ELANE: variants seen among roughly 807,000 people sequenced by gnomAD.
The protein encoded by ELANE is neutrophil elastase.
ELANE carries 12 observed loss-of-function variants against 20.6 expected under a neutral mutation model. The ratio of observed to expected loss-of-function variants is 0.58; its 90% CI spans 0.37 to 0.94. ELANE has a LOEUF of 0.94. Among genes scored for constraint, ELANE ranks in the 40% least tolerant of loss-of-function variants. The probability of loss-of-function intolerance (pLI) is 0.01; values close to 1 mark genes in which losing one functional copy is unlikely to be tolerated. For synonymous variants in ELANE, 203 were observed against 177.4 expected (o/e 1.14, Z -1.15); for missense variants, 388 against 395.2 (o/e 0.98, Z 0.15).
At chr19:854,180 A>G (rs911983780) in intron 3 of ELANE, among the ~76,000 whole-genome samples, 1 of 152,202 alleles carries the variant, frequency 6.6e-6, no homozygotes, top group Non-Finnish European at 1.5e-5. Flanking sequence ...CCCGTGGCTC[A>G]GGCCTGTCAT....
At chr19:854,614 C>T (rs2035645886) in intron 3 of ELANE, among the ~76,000 whole-genome samples, 1 of 149,676 alleles carries the variant, frequency 6.7e-6, no homozygotes, top group Non-Finnish European at 1.5e-5. Context: ...GGTGCCACCA[C>T]GTGGGTCCAC....
rs148492780 is a variant in ELANE at position 856,014 on chromosome 19, C to T, written c.654C>T (p.Phe218=). The change falls in exon 5 of 5, where the codon TTC becomes TTT. Residue 218 remains phenylalanine (F), a synonymous_variant. Transcript: ENST00000263621. The part of the protein sequence containing the change: ...CNGLIHGIAS[F]VRGGCASGLY... Reference sequence around the variant, plus strand: ...GGCTAATCCACGGAATTGCCTCCTTCGTCCGGGGAGGCTGCGCCTCAGGGC... The same window carrying T: ...GGCTAATCCACGGAATTGCCTCCTTTGTCCGGGGAGGCTGCGCCTCAGGGC... The T allele has an allele frequency of 5.4e-4, 875 of 1,613,562 alleles. 4 individuals are homozygous for T. In the East Asian group the frequency reaches 0.013, roughly 23 times the overall value.
intron 3 of ELANE, among the ~76,000 whole-genome samples, chr19:853,752 T>A (rs1456881755): frequency 4.2e-5 from 2 of 47,162 alleles, no homozygotes; most frequent in Admixed American, 4.1e-4. Flanking sequence ...GAGGCCCCGA[T>A]CTGCTGTCAA....
In ELANE at chr19:853,420, C is replaced by CG. The variant is rs1773819953; in HGVS notation, c.366+23dup. The CG allele has an allele frequency of 4.0e-6, 6 of 1,505,672 alleles. No individual in the cohort carries two copies. The highest frequency in any genetic ancestry group is 5.4e-6 in the Non-Finnish European group (6 of 1,106,308). The allele number at this position is 1,505,672 out of a possible 1,614,324, so 93.3% of individuals were successfully genotyped here. A position where few individuals can be genotyped will look rare whatever the true frequency, so the allele number is the denominator to read the frequency against. On this transcript the variant is annotated intron_variant, in intron 3 of 4. Coordinates refer to ENST00000263621, the MANE Select transcript of ELANE (RefSeq NM_001972.4). ...ATTCTCCAGGTGCCGCCGGGCGGGGCGGGGGGCGCAGGGGCGGAGGCCAGA... is the reference window on the plus strand; with the variant it reads ...ATTCTCCAGGTGCCGCCGGGCGGGGCGGGGGGGCGCAGGGGCGGAGGCCAGA...
At position 856,038 on chromosome 19, in the gene ELANE, G is replaced by A; in HGVS notation, c.678G>A (p.Gly226=). Residue 226 remains glycine (G), a synonymous_variant, in exon 5 of 5, where the codon GGG becomes GGA. Transcript: ENST00000263621. Reference sequence around the variant, plus strand: ...TCGTCCGGGGAGGCTGCGCCTCAGGGCTCTACCCCGATGCCTTTGCCCCGG... The same window carrying A: ...TCGTCCGGGGAGGCTGCGCCTCAGGACTCTACCCCGATGCCTTTGCCCCGG... ...ASFVRGGCAS[G]LYPDAFAPVA... is the part of the protein sequence containing the mutation. 1 of 1,613,568 alleles carries A rather than the reference G, an allele frequency of 6.2e-7. No individual in the cohort carries two copies. Among genetic ancestry groups the A allele is most frequent in the South Asian group, 1.1e-5 (1 of 91,090 alleles).
rs549887145 is a variant in ELANE, at chr19:853,335, G to A, written c.298G>A (p.Ala100Thr). 10 of 1,611,084 alleles carry A rather than the reference G, an allele frequency of 6.2e-6. No homozygotes were observed. Among genetic ancestry groups the A allele is most frequent in the Non-Finnish European group, 8.5e-6 (10 of 1,179,072 alleles). ...SRREPTRQVF[A>T]VQRIFENGYD... ...GCGGGAGCCCACCCGGCAGGTGTTC[G>A]CCGTGCAGCGCATCTTCGAAAACGG... The change falls in exon 3 of 5, where the codon GCC becomes ACC. Residue 100 changes from alanine to threonine, a missense_variant. Coordinates refer to ENST00000263621, the MANE Select transcript of ELANE (RefSeq NM_001972.4).
chr19:855,647 G>T lies in ELANE; in HGVS notation c.450G>T (p.Gln150His). The T allele has an allele frequency of 6.2e-7, 1 of 1,606,846 alleles. No homozygotes were observed. Residue 150 changes from glutamine to histidine, a missense_variant, in exon 4 of 5, where the codon CAG becomes CAT. Transcript: ENST00000263621. This position sits in a 1 kb window ranked among gnomAD's most constrained non-coding sequence, Gnocchi z 6.2. ...AQGRRLGNGV[Q>H]CLAMGWGLLG... ...GACGCCGCCTGGGCAACGGGGTGCA[G>T]TGCCTGGCCATGGGCTGGGGCCTTC...
chr19:852,394 G>T lies in ELANE; in HGVS notation c.66G>T (p.Gly22=), dbSNP rs748560924. The change falls in exon 1 of 5, where the codon GGG becomes GGT. Residue 22 remains glycine, a splice_region_variant and synonymous_variant. Transcript: ENST00000263621. The part of the protein sequence containing the change: ...LACVLPALLL[G]GTALASEIVG... ...GTGTCCTGCCGGCCTTGCTGCTGGG[G>T]GGTGAGTTTTTGAGTCCAACCTCCC... The T allele has an allele frequency of 1.2e-6, 2 of 1,611,140 alleles. No individual in the cohort carries two copies. Among genetic ancestry groups the T allele is most frequent in the South Asian group, 2.2e-5 (2 of 90,918 alleles).
chr19:855,066 G>T lies in ELANE; in HGVS notation c.367-498G>T, dbSNP rs570217060. Among the ~76,000 whole-genome samples the T allele has an allele frequency of 5.3e-5, 8 of 152,070 alleles. No homozygotes were observed. In the East Asian group the frequency reaches 1.5e-3, roughly 29 times the overall value. ...GACGGGGTTTAACCATGTTAGCCAG[G>T]ATGGTCTTGATCTCCTGACCTTTTG... On this transcript the variant is annotated intron_variant, in intron 3 of 4. Coordinates refer to ENST00000263621, the MANE Select transcript of ELANE (RefSeq NM_001972.4). This position sits in a 1 kb window ranked among gnomAD's most constrained non-coding sequence, Gnocchi z 6.2.
rs147820254 is a variant in ELANE, at chr19:855,860, G to A, written c.597+66G>A. On this transcript the variant is annotated intron_variant, in intron 4 of 4. Transcript: ENST00000263621. This position sits in a 1 kb window ranked among gnomAD's most constrained non-coding sequence, Gnocchi z 6.2. ...AGCCCGGACTGCAGCAACAGGCACC[G>A]TGGCTAGACCCTAGGAGGGACTTCC... is the stretch of plus-strand genomic sequence containing the variant. 10,960 of 1,604,224 alleles carry A rather than the reference G, an allele frequency of 6.8e-3. 51 individuals carry two copies. Among genetic ancestry groups the A allele is most frequent in the Non-Finnish European group, 8.4e-3 (9,905 of 1,177,674 alleles).
chr19:853,550 T>A (rs2145145641), intron 3 of ELANE, 147 bp downstream of exon 3: 1 of 951,028 alleles, frequency 1.1e-6, no homozygotes, highest in Non-Finnish European at 1.6e-6. Context: ...CGCCTCGGTC[T>A]GCACCTCTGT....
rs765630172 is a variant in ELANE at position 855,927 on chromosome 19, T to G, written c.598-31T>G. The stretch of plus-strand genomic sequence containing the variant: ...CGGGCAGGTGGGCAGGGCCTCGCAG[T>G]CCAGCTTCCCCACCTTGTCTGCCTC... On this transcript the variant is annotated intron_variant, in intron 4 of 4. Transcript: ENST00000263621. The surrounding 1 kb of genome is among the most constrained non-coding windows in gnomAD (Gnocchi z 6.2). 1 of 1,612,146 alleles carries G rather than the reference T, an allele frequency of 6.2e-7. No homozygotes were observed. The highest frequency in any genetic ancestry group is 1.3e-5 in the African/African-American group (1 of 74,944).
Position 856,230 on chromosome 19 carries a change from TTC to T in ELANE, c.*70_*71del, listed in dbSNP as rs1385241604. ...TCTCCAGCATCTGGCACAATAAACA[TTC>T]TCTGTTTTGTAGAATGTGTTTGATG... On this transcript the variant is annotated 3_prime_UTR_variant, in exon 5 of 5. Transcript: ENST00000263621. 1.3e-5 allele frequency: 21 copies of T among 1,577,182 alleles called. No homozygotes were observed. The East Asian group carries it at 4.7e-4, about 35-fold the overall frequency.
chr19:856,242 T>C lies in ELANE; in HGVS notation c.*78T>C, dbSNP rs201420824. 2.5e-6 allele frequency: 4 copies of C among 1,570,802 alleles called. No homozygotes were observed. Among genetic ancestry groups the C allele is most frequent in the South Asian group, 1.1e-5 (1 of 90,318 alleles). On this transcript the variant is annotated 3_prime_UTR_variant, in exon 5 of 5. Transcript: ENST00000263621. ...GGCACAATAAACATTCTCTGTTTTGTAGAATGTGTTTGATGCTCCTTGGCT... is the reference window on the plus strand; with the variant it reads ...GGCACAATAAACATTCTCTGTTTTGCAGAATGTGTTTGATGCTCCTTGGCT...
chr19:852,398 G>A lies in ELANE; in HGVS notation c.67+3G>A. The A allele has an allele frequency of 6.2e-7, 1 of 1,610,658 alleles. No individual in the cohort carries two copies. The highest frequency in any genetic ancestry group is 1.1e-5 in the South Asian group (1 of 90,874). On this transcript the variant is annotated splice_donor_region_variant and intron_variant, in intron 1 of 4. Transcript: ENST00000263621. ...CCTGCCGGCCTTGCTGCTGGGGGGT[G>A]AGTTTTTGAGTCCAACCTCCCGCTG...
rs1215458626 is a variant in ELANE, at chr19:855,407, G to C, written c.367-157G>C. 1.3e-5 allele frequency among the ~76,000 whole-genome samples: 2 copies of C among 152,218 alleles called. No individual in the cohort carries two copies. On this transcript the variant is annotated intron_variant, in intron 3 of 4. Coordinates refer to ENST00000263621, the MANE Select transcript of ELANE (RefSeq NM_001972.4). This position sits in a 1 kb window ranked among gnomAD's most constrained non-coding sequence, Gnocchi z 6.2. ...CCCACTCTACAGATGGGGAAACCGA[G>C]GCTTGCCTTGGGGAGCAGAGTGTGG...
rs1044959398 is a variant in ELANE at position 855,498 on chromosome 19, C to T, written c.367-66C>T. 1.4e-5 allele frequency: 21 copies of T among 1,530,958 alleles called. No individual in the cohort carries two copies. The highest frequency in any genetic ancestry group is 1.7e-5 in the Non-Finnish European group (19 of 1,131,634). The allele number at this position is 1,530,958 out of a possible 1,614,324, so 94.8% of individuals were successfully genotyped here. A position where few individuals can be genotyped will look rare whatever the true frequency, so the allele number is the denominator to read the frequency against. ...AACCTGAGATGGGGAAACTGAGGCC[C>T]GGAGAGGGGAGGGTCATCATCACTG... On this transcript the variant is annotated intron_variant, in intron 3 of 4. Transcript: ENST00000263621. The surrounding 1 kb of genome is among the most constrained non-coding windows in gnomAD (Gnocchi z 6.2).
In ELANE at chr19:856,083, G is replaced by A. The variant is rs2145149815; in HGVS notation, c.723G>A (p.Trp241Ter). Reference protein sequence around the residue: ...AFAPVAQFVNWIDSIIQRSED... With the variant: ...AFAPVAQFVN ...CCCCGGTGGCACAGTTTGTAAACTGGATCGACTCTATCATCCAACGCTCCG... is the reference window on the plus strand; with the variant it reads ...CCCCGGTGGCACAGTTTGTAAACTGAATCGACTCTATCATCCAACGCTCCG... Residue 241 changes from tryptophan to a stop codon, truncating the protein, a stop_gained, in exon 5 of 5, where the codon TGG becomes TGA. Coordinates refer to ENST00000263621, the MANE Select transcript of ELANE (RefSeq NM_001972.4). LOFTEE classifies it low-confidence loss of function (END_TRUNC). The A allele has an allele frequency of 6.2e-7, 1 of 1,613,172 alleles. No homozygotes were observed. Among genetic ancestry groups the A allele is most frequent in the Non-Finnish European group, 8.5e-7 (1 of 1,179,826 alleles).
Position 852,757 on chromosome 19 carries a change from C to A in ELANE, c.68-119C>A, listed in dbSNP as rs2035613761. ...ATCCCGTGGGTTCCCGGTGGGGGAT[C>A]CCGTGGGTTCCCGGTGGGGGATCCC... On this transcript the variant is annotated intron_variant, in intron 1 of 4. Transcript: ENST00000263621. The A allele has an allele frequency of 7.1e-6, 10 of 1,414,182 alleles. No homozygotes were observed. The Middle Eastern group carries it at 7.6e-4, about 108-fold the overall frequency. The allele number at this position is 1,414,182 out of a possible 1,614,324, so 87.6% of individuals were successfully genotyped here.
Sources: gnomAD v4.1 joint callset for allele counts (sites outside exome capture counted in the v4.1 genomes callset) on GRCh38, gnomAD v4.1.1 for gene constraint, Gnocchi (gnomAD v3.1) non-coding constraint, MANE v1.5 for transcripts, NCBI Gene and HGNC (gene_info 2026-07-23, HGNC 2026-07-21) for gene names.